F10: variants seen among roughly 807,000 people sequenced by gnomAD.
F10 encodes the protein coagulation factor X.
F10 carries 29 observed loss-of-function variants against 37.1 expected under a neutral mutation model. The observed-to-expected ratio is 0.78, with a 90% confidence interval of 0.58 to 1.07. F10 has a LOEUF of 1.07. Ranked by LOEUF, F10 falls within the 50% of genes least tolerant of loss-of-function variation. The pLI is 0.00. For missense variants in F10, 539 were observed against 667.9 expected, an observed-to-expected ratio of 0.81 and a Z score of 2.13; for synonymous variants, 262 against 268.6, an observed-to-expected ratio of 0.98 and a Z score of 0.24.
In F10 at chr13:113,139,126, G is replaced by A. The variant is rs756352983; in HGVS notation, c.257-231G>A. ...GACTGTAAACACACTGCAAAACACC[G>A]GCAAAAATCAAAAAGCTGGGCCGGT... is the stretch of plus-strand genomic sequence containing the variant. On this transcript the variant is annotated intron_variant, in intron 3 of 7. Coordinates refer to ENST00000375559, the MANE Select transcript of F10 (RefSeq NM_000504.4). The surrounding 1 kb of genome is among the most constrained non-coding windows in gnomAD (Gnocchi z 5.2). Among the ~76,000 whole-genome samples the A allele has an allele frequency of 2.6e-5, 4 of 152,118 alleles. No homozygotes were observed. Among genetic ancestry groups the A allele is most frequent in the African/African-American group, 4.8e-5 (2 of 41,410 alleles).
At position 113,141,162 on chromosome 13, in the gene F10, A is replaced by C. The variant is rs1390026042; in HGVS notation, c.502+112A>C. ...CATGTTCTGGGCGGGCCTGGCAGGT[A>C]ACAGTGACACCAAGAGGACAGGACT... On this transcript the variant is annotated intron_variant, in intron 5 of 7. Coordinates refer to ENST00000375559, the MANE Select transcript of F10 (RefSeq NM_000504.4). This position sits in a 1 kb window ranked among gnomAD's most constrained non-coding sequence, Gnocchi z 5.4. 3 of 1,467,314 alleles carry C rather than the reference A, an allele frequency of 2.0e-6. No homozygotes were observed. Among genetic ancestry groups the C allele is most frequent in the Non-Finnish European group, 2.8e-6 (3 of 1,078,304 alleles). The allele number at this position is 1,467,314 out of a possible 1,614,324, so 90.9% of individuals were successfully genotyped here.
At chr13:113,133,516 A>G (rs531967604) in intron 2 of F10, among the ~76,000 whole-genome samples, 1 of 152,180 alleles carries the variant, frequency 6.6e-6, no homozygotes, top group African/African-American at 2.4e-5. Flanking sequence ...GGTGAAAGAG[A>G]TACCTGCCAA....
Position 113,133,443 on chromosome 13 carries a change from A to C in F10, c.231+3831A>C, listed in dbSNP as rs560995887. ...AACTCTGCATATATAAATTTGCATG[A>C]GATTTGAACTTGGATGAAATGAGCC... On this transcript the variant is annotated intron_variant, in intron 2 of 7. Coordinates refer to ENST00000375559, the MANE Select transcript of F10 (RefSeq NM_000504.4). Among the ~76,000 whole-genome samples the C allele has an allele frequency of 2.2e-3, 335 of 152,296 alleles. 2 individuals are homozygous for C. Among genetic ancestry groups the C allele is most frequent in the African/African-American group, 7.6e-3 (314 of 41,570 alleles).
At position 113,141,182 on chromosome 13, in the gene F10, AG is replaced by A; in HGVS notation, c.502+134del. The A allele has an allele frequency of 7.6e-7, 1 of 1,317,002 alleles. No individual in the cohort carries two copies. The highest frequency in any genetic ancestry group is 1.1e-6 in the Non-Finnish European group (1 of 950,724). The allele number at this position is 1,317,002 out of a possible 1,614,324, so 81.6% of individuals were successfully genotyped here. A position where few individuals can be genotyped will look rare whatever the true frequency, so the allele number is the denominator to read the frequency against. On this transcript the variant is annotated intron_variant, in intron 5 of 7. Transcript: ENST00000375559. The surrounding 1 kb of genome is among the most constrained non-coding windows in gnomAD (Gnocchi z 5.4). ...CAGGTAACAGTGACACCAAGAGGAC[AG>A]GACTGAGCCCTGGGCTCCGGGCCCA...
chr13:113,140,857 T>C, intron 4 of F10, 62 bp from the exon 5 acceptor site: 1 of 1,612,330 alleles, frequency 6.2e-7, no homozygotes, highest in Non-Finnish European at 8.5e-7. Context: ...CTGGCACCCT[T>C]GGGCCAGCCC....
chr13:113,129,978 C>G (rs2036414631), intron 2 of F10: 5 of 343,858 alleles, frequency 1.5e-5, no homozygotes, highest in Non-Finnish European at 2.9e-5. Context: ...GAGATCGTGC[C>G]CTCCCACGCC....
At chr13:113,148,066 A>C (rs1325666539) in intron 7 of F10, among the ~76,000 whole-genome samples, 2 of 152,154 alleles carry the variant, frequency 1.3e-5, no homozygotes, top group Non-Finnish European at 2.9e-5. Context: ...GTGGTGGCTC[A>C]TGCCTGTAAT....
In F10 at chr13:113,149,043, C is replaced by T. The variant is rs140311464; in HGVS notation, c.993C>T (p.Pro331=). The T allele has an allele frequency of 6.9e-5, 112 of 1,613,480 alleles. No homozygotes were observed. In the African/African-American group the frequency reaches 1.3e-3, roughly 19 times the overall value. Residue 331 remains proline (P), a synonymous_variant, in exon 8 of 8, where the codon CCC becomes CCT. Coordinates refer to ENST00000375559, the MANE Select transcript of F10 (RefSeq NM_000504.4). This position sits in a 1 kb window ranked among gnomAD's most constrained non-coding sequence, Gnocchi z 7.5. ...TCGCCGTGCTCCGGCTCAAGACCCC[C>T]ATCACCTTCCGCATGAACGTGGCGC... ...FDIAVLRLKT[P]ITFRMNVAPA... is the part of the protein sequence containing the mutation.
intron 7 of F10, 92 bp from the exon 8 acceptor site, chr13:113,148,824 T>TA: frequency 2.6e-6 from 4 of 1,527,462 alleles, no homozygotes; most frequent in Non-Finnish European, 3.5e-6. Flanking sequence ...ATTTTTAATT[T>TA]AAAAAAATAT....
intron 1 of F10, among the ~76,000 whole-genome samples, chr13:113,123,159 C>G (rs190599482): frequency 5.9e-5 from 9 of 152,190 alleles, no homozygotes; most frequent in Admixed American, 5.9e-4. Context: ...GAGACAAAAA[C>G]ACAAGGACAG....
At position 113,145,686 on chromosome 13, in the gene F10, C is replaced by T. The variant is rs3211792; in HGVS notation, c.747+1591C>T. Among the ~76,000 whole-genome samples the T allele has an allele frequency of 3.6e-3, 543 of 152,218 alleles. 4 individuals are homozygous for T. The highest frequency in any genetic ancestry group is 0.012 in the African/African-American group (508 of 41,514). On this transcript the variant is annotated intron_variant, in intron 6 of 7. Transcript: ENST00000375559. ...CGTGGCTGGGGAGGCCTCACCGTCA[C>T]GGTGGAAGGCGCAAGGCACGTCTTA...
At chr13:113,148,884 G>A (rs1373909054) in intron 7 of F10, 32 bp from the exon 8 acceptor site, 3 of 1,601,534 alleles carry the variant, frequency 1.9e-6, no homozygotes, top group African/African-American at 2.7e-5. Context: ...GTCCCTGGCT[G>A]AGCTGAGCAC....
intron 7 of F10, 108 bp downstream of exon 7, chr13:113,147,604 T>C: frequency 5.1e-6 from 4 of 784,192 alleles, no homozygotes; most frequent in Non-Finnish European, 9.2e-6. Context: ...GTTGAAATCC[T>C]GAAATCCTAT....
At chr13:113,145,061 T>C (rs1275452053) in intron 6 of F10, among the ~76,000 whole-genome samples, 1 of 152,198 alleles carries the variant, frequency 6.6e-6, no homozygotes, top group Admixed American at 6.5e-5. Flanking sequence ...TTTGTATTTT[T>C]AGTAGAGACG....
rs148004209 is a variant in F10, at chr13:113,147,839, T to C, written c.865+343T>C. Among the ~76,000 whole-genome samples, 605 of 152,266 alleles carry C rather than the reference T, an allele frequency of 4.0e-3. 4 individuals carry two copies. Among genetic ancestry groups the C allele is most frequent in the Non-Finnish European group, 5.8e-3 (394 of 68,006 alleles). On this transcript the variant is annotated intron_variant, in intron 7 of 7. Coordinates refer to ENST00000375559, the MANE Select transcript of F10 (RefSeq NM_000504.4). ...TTATTGGGAGCCTTCCAGACCTCCC[T>C]TTCTCTTTAACATACTCTGAACACC...
chr13:113,148,950 G>A lies in F10; in HGVS notation c.900G>A (p.Glu300=). The A allele has an allele frequency of 6.2e-7, 1 of 1,613,460 alleles. No individual in the cohort carries two copies. Among genetic ancestry groups the A allele is most frequent in the Non-Finnish European group, 8.5e-7 (1 of 1,180,020 alleles). ...DRNTEQEEGG[E]AVHEVEVVIK... is the part of the protein sequence containing the mutation. ...ACACGGAGCAGGAGGAGGGCGGTGAGGCGGTGCACGAGGTGGAGGTGGTCA... is the reference window on the plus strand; with the variant it reads ...ACACGGAGCAGGAGGAGGGCGGTGAAGCGGTGCACGAGGTGGAGGTGGTCA... Residue 300 remains glutamate, a synonymous_variant, in exon 8 of 8, where the codon GAG becomes GAA. Transcript: ENST00000375559.
At position 113,149,406 on chromosome 13, in the gene F10, C is replaced by T; in HGVS notation, c.1356C>T (p.Tyr452=). The change falls in exon 8 of 8, where the codon TAC becomes TAT. Residue 452 remains tyrosine (Y), a synonymous_variant. Transcript: ENST00000375559. This position sits in a 1 kb window ranked among gnomAD's most constrained non-coding sequence, Gnocchi z 7.5. The stretch of plus-strand genomic sequence containing the variant: ...CCCGTAAGGGGAAGTACGGGATCTA[C>T]ACCAAGGTCACCGCCTTCCTCAAGT... ...GCARKGKYGI[Y]TKVTAFLKWI... is the part of the protein sequence containing the mutation. The T allele has an allele frequency of 6.2e-7, 1 of 1,613,260 alleles. No individual in the cohort carries two copies. Among genetic ancestry groups the T allele is most frequent in the Non-Finnish European group, 8.5e-7 (1 of 1,179,798 alleles).
intron 2 of F10, among the ~76,000 whole-genome samples, chr13:113,135,533 T>C (rs1424887688): frequency 6.6e-6 from 1 of 152,176 alleles, no homozygotes; most frequent in Non-Finnish European, 1.5e-5. Context: ...GTGAAGCCTC[T>C]TTTATAAGGA....
chr13:113,129,729 A>C (rs1389961553), intron 2 of F10, 117 bp downstream of exon 2: 1 of 1,366,380 alleles, frequency 7.3e-7, no homozygotes, highest in Non-Finnish European at 1.0e-6. Context: ...GCGTGCGCGA[A>C]GGCTTTCAGG....
Sources: gnomAD v4.1 joint callset for allele counts (sites outside exome capture counted in the v4.1 genomes callset) on GRCh38, gnomAD v4.1.1 for gene constraint, Gnocchi (gnomAD v3.1) non-coding constraint, MANE v1.5 for transcripts, NCBI Gene and HGNC (gene_info 2026-07-23, HGNC 2026-07-21) for gene names.